The following FAM135B variants were observed in gnomAD, a reference collection of about 807,000 sequenced individuals.
The protein encoded by FAM135B is family with sequence similarity 135 member B.
In FAM135B, 43 loss-of-function variants were observed where a neutral mutation model predicts 127.7. That is an observed-to-expected ratio of 0.34 (90% CI 0.26 to 0.43). The LOEUF is 0.43. FAM135B is among the 20% of genes least tolerant of loss of function. The pLI, the probability that FAM135B is intolerant of heterozygous loss-of-function variation, is 1.00. For missense variants in FAM135B, 1,558 were observed against 1,725.6 expected, an observed-to-expected ratio of 0.90 and a Z score of 1.72; for synonymous variants, 670 against 665.1, an observed-to-expected ratio of 1.01 and a Z score of -0.11.
chr8:138,144,918 T>C (rs993290243), intron 15 of FAM135B, among the ~76,000 whole-genome samples: 11 of 152,138 alleles, frequency 7.2e-5, no homozygotes, highest in African/African-American at 2.4e-4. Context: ...CTAGCACAAA[T>C]CACAAACACA....
At chr8:138,428,065 T>C (rs1249261032) in intron 1 of FAM135B, among the ~76,000 whole-genome samples, 1 of 152,196 alleles carries the variant, frequency 6.6e-6, no homozygotes, top group Non-Finnish European at 1.5e-5. Flanking sequence ...TTCCATTAGT[T>C]GGGTGTCAAA....
At chr8:138,262,113 A>T (rs1822580246) in intron 4 of FAM135B, among the ~76,000 whole-genome samples, 1 of 152,248 alleles carries the variant, frequency 6.6e-6, no homozygotes, top group Non-Finnish European at 1.5e-5. Flanking sequence ...AGAAGAAAAC[A>T]ACATGTAATG....
chr8:138,378,170 C>A (rs566795802), intron 1 of FAM135B, among the ~76,000 whole-genome samples: 1 of 152,282 alleles, frequency 6.6e-6, no homozygotes, highest in East Asian at 1.9e-4. Context: ...TCGACCTGGG[C>A]CATTGGAAGA....
In FAM135B at chr8:138,132,638, G is replaced by A. The variant is rs1254801268; in HGVS notation, c.4176C>T (p.Phe1392=). 1.2e-6 allele frequency: 2 copies of A among 1,614,196 alleles called. No homozygotes were observed. The highest frequency in any genetic ancestry group is 1.7e-5 in the Admixed American group (1 of 60,024). Residue 1392 remains phenylalanine (F), a synonymous_variant, in exon 20 of 20, where the codon TTC becomes TTT. Transcript: ENST00000395297. The surrounding 1 kb of genome is among the most constrained non-coding windows in gnomAD (Gnocchi z 4.5). ...CTGCCACCAAGAAAAACTTCTCCAGGAAGAGTTCTGAATCCAGCACAGCGA... is the reference window on the plus strand; with the variant it reads ...CTGCCACCAAGAAAAACTTCTCCAGAAAGAGTTCTGAATCCAGCACAGCGA... ...AHIAVLDSEL[F]LEKFFLVAGL... is the part of the protein sequence containing the mutation.
intron 1 of FAM135B, among the ~76,000 whole-genome samples, chr8:138,404,489 C>G (rs1833339717): frequency 6.6e-6 from 1 of 152,040 alleles, no homozygotes; most frequent in Admixed American, 6.6e-5. Flanking sequence ...GTCATTGGAC[C>G]CTTCCTTTCA....
intron 1 of FAM135B, among the ~76,000 whole-genome samples, chr8:138,492,328 A>G (rs1014012200): frequency 1.3e-5 from 2 of 151,798 alleles, no homozygotes; most frequent in African/African-American, 4.8e-5. Flanking sequence ...CATTTCTCTG[A>G]TACCTTCCTT....
chr8:138,343,005 TC>T (rs1423358989), intron 2 of FAM135B, among the ~76,000 whole-genome samples: 2 of 152,258 alleles, frequency 1.3e-5, no homozygotes, highest in Non-Finnish European at 2.9e-5. Flanking sequence ...GACATTTTCT[TC>T]CTTACATTCC....
chr8:138,272,264 A>T (rs190768447), intron 3 of FAM135B, among the ~76,000 whole-genome samples: 153 of 152,342 alleles, frequency 1.0e-3, no homozygotes, highest in African/African-American at 3.5e-3. Context: ...ACACTCAAAT[A>T]TTTAGCGAAT....
At chr8:138,496,301 C>G (rs970818639) in intron 1 of FAM135B, among the ~76,000 whole-genome samples, 1 of 152,182 alleles carries the variant, frequency 6.6e-6, no homozygotes, top group Non-Finnish European at 1.5e-5. Flanking sequence ...CCACTGTCCC[C>G]TCCACCCCAG....
intron 3 of FAM135B, among the ~76,000 whole-genome samples, chr8:138,296,902 CCCTT>C (rs1378185967): frequency 2.0e-5 from 3 of 152,150 alleles, no homozygotes; most frequent in East Asian, 3.9e-4. Context: ...TGTTCACACT[CCCTT>C]CCTCATGAAT....
At chr8:138,488,813 C>T (rs921784441) in intron 1 of FAM135B, among the ~76,000 whole-genome samples, 3 of 152,118 alleles carry the variant, frequency 2.0e-5, no homozygotes, top group East Asian at 3.9e-4. Flanking sequence ...ACTACAGGCA[C>T]GCACCACCAC....
intron 1 of FAM135B, among the ~76,000 whole-genome samples, chr8:138,456,150 T>A (rs764648386): frequency 1.3e-5 from 2 of 152,216 alleles, no homozygotes; most frequent in Non-Finnish European, 2.9e-5. Context: ...AGGTCTCCCC[T>A]GTTATGGTTT....
At chr8:138,439,587 T>C (rs1467737555) in intron 1 of FAM135B, 1 of 152,138 alleles carries the variant, frequency 6.6e-6, no homozygotes, top group Non-Finnish European at 1.5e-5. Context: ...CCAGTCTCTG[T>C]GAATGGGGAT....
chr8:138,148,634 GA>G lies in FAM135B; in HGVS notation c.3333del (p.Leu1112CysfsTer5). The G allele has an allele frequency of 6.2e-7, 1 of 1,609,602 alleles. No individual in the cohort carries two copies. ...KFKKELKIEG[F>X]LYSDLTVLAS... ...GCTAGTACAGTTAAGTCACTGTACAGAAATCCTTCAATCTTCAGTTCTTTTT... is the reference window on the plus strand; with the variant it reads ...GCTAGTACAGTTAAGTCACTGTACAGAATCCTTCAATCTTCAGTTCTTTTT... On this transcript the variant is annotated frameshift_variant, in exon 14 of 20. Transcript: ENST00000395297. LOFTEE classifies it high-confidence loss of function.
At chr8:138,336,787 T>G (rs538671057) in intron 2 of FAM135B, among the ~76,000 whole-genome samples, 17 of 152,248 alleles carry the variant, frequency 1.1e-4, no homozygotes, top group African/African-American at 1.9e-4. Context: ...TACCAAAGCC[T>G]GGCAGAGACA....
At chr8:138,324,534 C>G (rs921607166) in intron 2 of FAM135B, among the ~76,000 whole-genome samples, 2 of 152,120 alleles carry the variant, frequency 1.3e-5, no homozygotes, top group African/African-American at 4.8e-5. Context: ...CCTCAATTAC[C>G]AAAACCACAG....
chr8:138,445,236 T>G (rs1323501888), intron 1 of FAM135B, among the ~76,000 whole-genome samples: 2 of 152,214 alleles, frequency 1.3e-5, no homozygotes, highest in Non-Finnish European at 1.5e-5. Context: ...AAGAAGGAGC[T>G]GGTACCATTC....
intron 1 of FAM135B, among the ~76,000 whole-genome samples, chr8:138,426,585 AT>A (rs981711754): frequency 1.3e-5 from 2 of 151,406 alleles, no homozygotes; most frequent in Non-Finnish European, 2.9e-5. Context: ...TGCTATTATC[AT>A]TTTTATCATA....
intron 3 of FAM135B, among the ~76,000 whole-genome samples, chr8:138,298,412 CTGAAT>C (rs1825627671): frequency 6.6e-6 from 1 of 152,056 alleles, no homozygotes; most frequent in African/African-American, 2.4e-5. Flanking sequence ...GAGCAAAGAC[CTGAAT>C]TAATTAAGGA....
Sources: allele counts gnomAD v4.1 joint callset (sites outside exome capture counted in the v4.1 genomes callset), GRCh38; gene constraint gnomAD v4.1.1; non-coding constraint Gnocchi (gnomAD v3.1); transcripts MANE v1.5; gene names NCBI Gene and HGNC (gene_info 2026-07-23, HGNC 2026-07-21).